The following PLOD2 variants were observed in gnomAD, a reference collection of about 807,000 sequenced individuals.
The protein encoded by PLOD2 is procollagen-lysine,2-oxoglutarate 5-dioxygenase 2.
Under a neutral mutation model 101.0 loss-of-function variants are expected in PLOD2, and 65 were observed. The ratio of observed to expected loss-of-function variants is 0.64; its 90% CI spans 0.53 to 0.79. The LOEUF is 0.79. Among genes scored for constraint, PLOD2 ranks in the 30% least tolerant of loss-of-function variants. The probability of loss-of-function intolerance (pLI) is 0.00; values close to 1 mark genes in which losing one functional copy is unlikely to be tolerated. For synonymous variants in PLOD2, 314 were observed against 302.9 expected, an observed-to-expected ratio of 1.04 and a Z score of -0.38; for missense variants, 909 against 914.6, an observed-to-expected ratio of 0.99 and a Z score of 0.08.
At chr3:146,077,966 C>T (rs190220644) in intron 13 of PLOD2, 42 bp from the exon 14 acceptor site, 27 of 1,045,008 alleles carry the variant, frequency 2.6e-5, no homozygotes, top group African/African-American at 7.9e-5. Flanking sequence ...CCTGTACACC[C>T]GCTCTCTCAG....
intron 2 of PLOD2, among the ~76,000 whole-genome samples, chr3:146,123,110 C>A (rs903956751): frequency 2.0e-5 from 3 of 152,000 alleles, no homozygotes; most frequent in Non-Finnish European, 4.4e-5. Context: ...TAACACTTAG[C>A]TGTTCTATAT....
intron 3 of PLOD2, among the ~76,000 whole-genome samples, chr3:146,119,801 C>T (rs1367427021): frequency 6.6e-6 from 1 of 152,162 alleles, no homozygotes; most frequent in African/African-American, 2.4e-5. Context: ...CATAGTATTC[C>T]ATGGTGTGTA....
intron 7 of PLOD2, among the ~76,000 whole-genome samples, chr3:146,099,335 A>T (rs1296234400): frequency 6.6e-6 from 1 of 152,166 alleles, no homozygotes; most frequent in Non-Finnish European, 1.5e-5. Context: ...GATCACGTTG[A>T]AATCACTGAA....
chr3:146,069,787 T>C lies in PLOD2; in HGVS notation c.*930A>G, dbSNP rs757669792. On this transcript the variant is annotated 3_prime_UTR_variant, in exon 20 of 20. Transcript: ENST00000282903. ...CGGAAGAAGCAAGGCTCAACAACTT[T>C]GTTTTCCTGATATAAAATTCAAGTA... 2 of 152,304 alleles carry C rather than the reference T, an allele frequency of 1.3e-5. No homozygotes were observed. Among genetic ancestry groups the C allele is most frequent in the East Asian group, 3.9e-4 (2 of 5,152 alleles). The allele number at this position is 152,304 out of a possible 1,614,324, so 9.4% of individuals were successfully genotyped here. A position where few individuals can be genotyped will look rare whatever the true frequency, so the allele number is the denominator to read the frequency against.
intron 3 of PLOD2, among the ~76,000 whole-genome samples, chr3:146,116,728 T>C (rs1453260655): frequency 6.6e-6 from 1 of 152,160 alleles, no homozygotes; most frequent in African/African-American, 2.4e-5. Flanking sequence ...GTTAATGATA[T>C]AAGCCATGCA....
chr3:146,073,447 A>C, intron 15 of PLOD2, 95 bp from the exon 16 acceptor site: 1 of 517,474 alleles, frequency 1.9e-6, no homozygotes, highest in Non-Finnish European at 3.5e-6. Flanking sequence ...TCAACTTATA[A>C]ATGATTATGT....
At chr3:146,114,070 C>T (rs141161167) in intron 3 of PLOD2, among the ~76,000 whole-genome samples, 3,143 of 152,182 alleles carry the variant, frequency 0.021, 107 homozygotes, top group African/African-American at 0.071. Flanking sequence ...CCTATTAGGA[C>T]GAGGAAATTC....
intron 1 of PLOD2, among the ~76,000 whole-genome samples, chr3:146,156,459 AC>A (rs1160578220): frequency 6.6e-6 from 1 of 152,208 alleles, no homozygotes; most frequent in Admixed American, 6.5e-5. Context: ...AGCCAATAAA[AC>A]TTTAATTTCA....
chr3:146,075,487 T>TAAAAA (rs35706246), intron 15 of PLOD2, among the ~76,000 whole-genome samples: 1,439 of 93,468 alleles, frequency 0.015, 18 homozygotes, highest in Middle Eastern at 0.041. Context: ...CTCAAATCTG[T>TAAAAA]AAAAAAAAAA....
At chr3:146,101,646 G>A (rs1048451844) in intron 7 of PLOD2, among the ~76,000 whole-genome samples, 4 of 152,222 alleles carry the variant, frequency 2.6e-5, no homozygotes, top group African/African-American at 9.6e-5. Flanking sequence ...TATATTTTAA[G>A]AAACTTTGGC....
intron 1 of PLOD2, among the ~76,000 whole-genome samples, chr3:146,157,136 T>C (rs1193673128): frequency 1.3e-5 from 2 of 152,166 alleles, no homozygotes; most frequent in African/African-American, 4.8e-5. Flanking sequence ...GATAAAGTTC[T>C]GGGGGAAGAA....
chr3:146,131,960 A>G (rs1490888992), intron 1 of PLOD2, among the ~76,000 whole-genome samples: 1 of 152,198 alleles, frequency 6.6e-6, no homozygotes, highest in African/African-American at 2.4e-5. Flanking sequence ...GGATGTGTCA[A>G]GAGACATCCA....
chr3:146,153,749 G>C (rs997712243), intron 1 of PLOD2, among the ~76,000 whole-genome samples: 1 of 150,530 alleles, frequency 6.6e-6, no homozygotes, highest in African/African-American at 2.4e-5. Context: ...GACTGACCAG[G>C]AGTACTGTCA....
At chr3:146,098,934 C>T (rs1412018608) in intron 7 of PLOD2, among the ~76,000 whole-genome samples, 1 of 152,130 alleles carries the variant, frequency 6.6e-6, no homozygotes, top group Non-Finnish European at 1.5e-5. Context: ...AAGAAGAATA[C>T]GTGACATACT....
Position 146,091,782 on chromosome 3 carries a change from A to G in PLOD2, c.879+18T>C. ...TACTTTCTATTACTACATTTCACAC[A>G]TAATCAATTCCACTTACATCTACTG... On this transcript the variant is annotated intron_variant, in intron 8 of 19. Transcript: ENST00000282903. 7.5e-7 allele frequency: 1 copy of G among 1,326,656 alleles called. No homozygotes were observed. Among genetic ancestry groups the G allele is most frequent in the African/African-American group, 1.4e-5 (1 of 69,452 alleles). 82.2% of individuals were successfully genotyped at this position (1,326,656 alleles called of 1,614,324 possible).
chr3:146,158,411 A>G (rs895149616), intron 1 of PLOD2, among the ~76,000 whole-genome samples: 4 of 152,226 alleles, frequency 2.6e-5, no homozygotes, highest in African/African-American at 9.6e-5. Flanking sequence ...TTTAACAAAA[A>G]TCTATGTTCT....
chr3:146,155,714 CAAAAAAAAA>C (rs766107067), intron 1 of PLOD2, among the ~76,000 whole-genome samples: 3 of 54,064 alleles, frequency 5.5e-5, no homozygotes, highest in East Asian at 6.2e-4. Flanking sequence ...GACTCTGTCT[CAAAAAAAAA>C]AAAAAAAAAG....
intron 1 of PLOD2, among the ~76,000 whole-genome samples, chr3:146,130,882 C>A (rs2030868189): frequency 6.6e-6 from 1 of 152,128 alleles, no homozygotes; most frequent in Non-Finnish European, 1.5e-5. Context: ...AAGGTTGGTC[C>A]TTGGCAGGCA....
intron 9 of PLOD2, among the ~76,000 whole-genome samples, 178 bp downstream of exon 9, chr3:146,088,408 T>G (rs528767139): frequency 6.6e-6 from 1 of 151,778 alleles, no homozygotes; most frequent in South Asian, 2.1e-4. Flanking sequence ...ATATCAATAT[T>G]GTGGTGCTAG....
Sources: allele counts gnomAD v4.1 joint callset (sites outside exome capture counted in the v4.1 genomes callset), GRCh38; gene constraint gnomAD v4.1.1; transcripts MANE v1.5; gene names NCBI Gene and HGNC (gene_info 2026-07-23, HGNC 2026-07-21).